Variants in NDST4 observed in about 807,000 individuals in gnomAD.
The protein encoded by NDST4 is N-deacetylase and N-sulfotransferase 4.
Under a neutral mutation model 100.8 loss-of-function variants are expected in NDST4, and 63 were observed. The ratio of observed to expected loss-of-function variants is 0.62; its 90% CI spans 0.51 to 0.77. The LOEUF (loss-of-function observed/expected upper bound fraction) is 0.77, where lower values mean the gene tolerates loss of function less well. Ranked by LOEUF, NDST4 falls within the 30% of genes least tolerant of loss-of-function variation. The pLI is 0.00. For synonymous variants in NDST4, 377 were observed against 361.8 expected (o/e 1.04, Z -0.48); for missense variants, 943 against 1,018.4 (o/e 0.93, Z 1.01).
intron 3 of NDST4, among the ~76,000 whole-genome samples, chr4:114,973,078 A>G (rs539804175): frequency 2.0e-5 from 3 of 152,184 alleles, no homozygotes; most frequent in African/African-American, 7.2e-5. Flanking sequence ...GAAACAGCTT[A>G]ATAAAAAATA....
chr4:115,029,768 T>A (rs1728075660), intron 2 of NDST4, among the ~76,000 whole-genome samples: 1 of 152,080 alleles, frequency 6.6e-6, no homozygotes, highest in Non-Finnish European at 1.5e-5. Flanking sequence ...ACTGGACCAG[T>A]CATATTTAGC....
chr4:114,981,765 C>T (rs951272691), intron 2 of NDST4, among the ~76,000 whole-genome samples: 15 of 152,158 alleles, frequency 9.9e-5, no homozygotes, highest in African/African-American at 3.6e-4. Flanking sequence ...TTGTTACTCT[C>T]AGGCTAACCC....
At chr4:114,975,267 T>C (rs918036949) in intron 3 of NDST4, among the ~76,000 whole-genome samples, 1 of 152,030 alleles carries the variant, frequency 6.6e-6, no homozygotes, top group African/African-American at 2.4e-5. Flanking sequence ...GAAGTAAATA[T>C]ATCCATTAAA....
intron 2 of NDST4, among the ~76,000 whole-genome samples, chr4:115,037,601 G>A (rs1040570103): frequency 2.6e-5 from 4 of 151,984 alleles, no homozygotes; most frequent in African/African-American, 9.7e-5. Flanking sequence ...TGTGATCAAG[G>A]ACTTTTCTTT....
At chr4:114,863,867 G>A (rs1723969707) in intron 7 of NDST4, among the ~76,000 whole-genome samples, 1 of 152,186 alleles carries the variant, frequency 6.6e-6, no homozygotes, top group Non-Finnish European at 1.5e-5. Flanking sequence ...AGTAAAATCT[G>A]ATGAAATTAT....
intron 7 of NDST4, among the ~76,000 whole-genome samples, chr4:114,858,040 C>A (rs1250898380): frequency 6.6e-6 from 1 of 152,180 alleles, no homozygotes; most frequent in Non-Finnish European, 1.5e-5. Flanking sequence ...TAACCCAGAG[C>A]TAATGCAAAT....
chr4:115,092,988 A>C (rs1221453243), intron 1 of NDST4, among the ~76,000 whole-genome samples: 1 of 152,178 alleles, frequency 6.6e-6, no homozygotes, highest in Non-Finnish European at 1.5e-5. Context: ...ATCATGAAAA[A>C]GATATGCAGA....
chr4:114,859,636 A>C (rs912770318), intron 7 of NDST4, among the ~76,000 whole-genome samples: 2 of 152,182 alleles, frequency 1.3e-5, no homozygotes, highest in Non-Finnish European at 2.9e-5. Flanking sequence ...AATAGAAGCC[A>C]CCTGACCGGA....
intron 2 of NDST4, among the ~76,000 whole-genome samples, chr4:114,992,722 AC>A (rs1727068925): frequency 6.6e-6 from 1 of 151,886 alleles, no homozygotes; most frequent in African/African-American, 2.4e-5. Flanking sequence ...ATTTCATTTA[AC>A]TTTTACAATA....
chr4:114,984,282 G>A (rs1726850043), intron 2 of NDST4, among the ~76,000 whole-genome samples: 1 of 151,932 alleles, frequency 6.6e-6, no homozygotes, highest in Admixed American at 6.6e-5. Flanking sequence ...AAGTTCAACT[G>A]ATTCTCCTGC....
chr4:114,911,714 T>C (rs1725066223), intron 6 of NDST4, among the ~76,000 whole-genome samples: 3 of 152,026 alleles, frequency 2.0e-5, no homozygotes. Context: ...GTATTGGGTA[T>C]TTTTTCCTTT....
intron 7 of NDST4, among the ~76,000 whole-genome samples, chr4:114,865,887 G>T (rs970829683): frequency 2.6e-5 from 4 of 152,218 alleles, no homozygotes; most frequent in African/African-American, 9.6e-5. Context: ...AAAATCATGA[G>T]AAATTATTGC....
At position 114,869,202 on chromosome 4, in the gene NDST4, C is replaced by T. The variant is rs538771612; in HGVS notation, c.1719+1566G>A. Among the ~76,000 whole-genome samples, 9 of 151,346 alleles carry T rather than the reference C, an allele frequency of 5.9e-5. No homozygotes were observed. In the East Asian group the frequency reaches 1.7e-3, roughly 29 times the overall value. On this transcript the variant is annotated intron_variant, in intron 7 of 13. Transcript: ENST00000264363. ...TCCAAACATATTAATAAATACAATT[C>T]TTTATCTTAAAAATTTCAAATAATA... is the stretch of plus-strand genomic sequence containing the variant.
At chr4:115,048,738 A>G (rs1728518285) in intron 2 of NDST4, among the ~76,000 whole-genome samples, 2 of 152,092 alleles carry the variant, frequency 1.3e-5, no homozygotes, top group South Asian at 2.1e-4. Context: ...CCGTGGTTCA[A>G]GCGATTCTCC....
intron 6 of NDST4, among the ~76,000 whole-genome samples, chr4:114,909,790 A>C (rs1725028094): frequency 1.3e-5 from 2 of 152,202 alleles, no homozygotes; most frequent in South Asian, 4.1e-4. Flanking sequence ...TGGTTAATAA[A>C]GACAATTTTA....
At chr4:114,867,001 G>C (rs1434519962) in intron 7 of NDST4, among the ~76,000 whole-genome samples, 1 of 152,096 alleles carries the variant, frequency 6.6e-6, no homozygotes, top group Non-Finnish European at 1.5e-5. Context: ...CCACCATCTT[G>C]TGGTTGAAAT....
At chr4:115,052,236 G>C (rs1227256413) in intron 2 of NDST4, among the ~76,000 whole-genome samples, 1 of 152,064 alleles carries the variant, frequency 6.6e-6, no homozygotes, top group African/African-American at 2.4e-5. Flanking sequence ...TTTAAAATCA[G>C]CAGTTGTGTG....
At chr4:115,017,729 T>C (rs1727709586) in intron 2 of NDST4, among the ~76,000 whole-genome samples, 1 of 152,128 alleles carries the variant, frequency 6.6e-6, no homozygotes. Flanking sequence ...AATGTCTCAG[T>C]TATTTAGGAA....
intron 6 of NDST4, among the ~76,000 whole-genome samples, chr4:114,895,753 G>A (rs575743023): frequency 1.3e-5 from 2 of 151,802 alleles, no homozygotes; most frequent in African/African-American, 4.8e-5. Context: ...CAGGCAAACC[G>A]AATCCAGCAG....
Sources: gnomAD v4.1 joint callset for allele counts (sites outside exome capture counted in the v4.1 genomes callset) on GRCh38, gnomAD v4.1.1 for gene constraint, MANE v1.5 for transcripts, NCBI Gene and HGNC (gene_info 2026-07-23, HGNC 2026-07-21) for gene names.